NALCN: variants seen among roughly 807,000 people sequenced by gnomAD.
The protein encoded by NALCN is sodium leak channel NALCN.
In NALCN, 111 loss-of-function variants were observed where a neutral mutation model predicts 225.3. The ratio of observed to expected loss-of-function variants is 0.49; its 90% confidence interval spans 0.42 to 0.58. The LOEUF (loss-of-function observed/expected upper bound fraction) is 0.58. Among genes scored for constraint, NALCN ranks in the 20% least tolerant of loss-of-function variants. The pLI is 0.00. For missense variants in NALCN, 1,378 were observed against 2,202.4 expected, an observed-to-expected ratio of 0.63 and a Z score of 7.49; for synonymous variants, 764 against 769.0, an observed-to-expected ratio of 0.99 and a Z score of 0.11.
intron 6 of NALCN, among the ~76,000 whole-genome samples, chr13:101,348,076 C>A (rs2045797476): frequency 6.6e-6 from 1 of 152,022 alleles, no homozygotes; most frequent in African/African-American, 2.4e-5. Flanking sequence ...TCTACTAGCC[C>A]ATCAAAATTA....
chr13:101,266,529 A>T (rs1197940083), intron 10 of NALCN, among the ~76,000 whole-genome samples: 1 of 152,226 alleles, frequency 6.6e-6, no homozygotes, highest in Non-Finnish European at 1.5e-5. Context: ...AGGATAATGA[A>T]TAGTACAGCT....
intron 3 of NALCN, among the ~76,000 whole-genome samples, chr13:101,379,383 T>C (rs2046782672): frequency 6.6e-6 from 1 of 152,136 alleles, no homozygotes; most frequent in African/African-American, 2.4e-5. Context: ...CCCAAAGGAT[T>C]ACAAATCATT....
intron 15 of NALCN, among the ~76,000 whole-genome samples, chr13:101,147,753 C>G (rs2037426788): frequency 6.6e-6 from 1 of 151,946 alleles, no homozygotes; most frequent in Non-Finnish European, 1.5e-5. Flanking sequence ...TGGCCCCTCC[C>G]TGCCTGTCCA....
In NALCN at chr13:101,068,616, G is replaced by A. The variant is rs1048513857; in HGVS notation, c.4330+79C>T. The A allele has an allele frequency of 6.7e-6, 9 of 1,347,676 alleles. No homozygotes were observed. The African/African-American group carries it at 1.1e-4, about 16-fold the overall frequency. The allele number at this position is 1,347,676 out of a possible 1,614,324, so 83.5% of individuals were successfully genotyped here. A position where few individuals can be genotyped will look rare whatever the true frequency, so the allele number is the denominator to read the frequency against. ...AAACACCCACCCCAAGAAATCCAGG[G>A]TAATTGCTTGAAAATAATACATAAT... is the stretch of plus-strand genomic sequence containing the variant. On this transcript the variant is annotated intron_variant, in intron 38 of 43. Transcript: ENST00000251127.
At chr13:101,132,923 G>A (rs2036588845) in intron 17 of NALCN, among the ~76,000 whole-genome samples, 1 of 151,986 alleles carries the variant, frequency 6.6e-6, no homozygotes, top group Non-Finnish European at 1.5e-5. Context: ...CTTTTTGTTT[G>A]TTCTACATAT....
intron 10 of NALCN, among the ~76,000 whole-genome samples, chr13:101,267,356 G>A (rs906375829): frequency 6.6e-6 from 1 of 152,174 alleles, no homozygotes; most frequent in Non-Finnish European, 1.5e-5. Flanking sequence ...TCACCTCTAA[G>A]CAGGATTGAT....
intron 10 of NALCN, among the ~76,000 whole-genome samples, chr13:101,273,713 G>A (rs576449718): frequency 4.0e-5 from 6 of 151,608 alleles, no homozygotes; most frequent in African/African-American, 1.5e-4. Flanking sequence ...GTGAAACCCC[G>A]TCTCTTCTAA....
At chr13:101,102,755 G>A (rs557631557) in intron 26 of NALCN, among the ~76,000 whole-genome samples, 1 of 152,300 alleles carries the variant, frequency 6.6e-6, no homozygotes, top group South Asian at 2.1e-4. Flanking sequence ...CAAATTCTGT[G>A]CTATATTATT....
Position 101,212,162 on chromosome 13 carries a change from T to C in NALCN, c.1626+17231A>G, listed in dbSNP as rs181191766. Among the ~76,000 whole-genome samples the C allele has an allele frequency of 4.0e-3, 602 of 152,224 alleles. 7 individuals are homozygous for C. The highest frequency in any genetic ancestry group is 4.5e-3 in the Non-Finnish European group (305 of 68,014). On this transcript the variant is annotated intron_variant, in intron 13 of 43. Transcript: ENST00000251127. ...ATTTACTCATTTGGTTTTTCTTATA[T>C]GGAATGCCTTCATCTAATGCCATGA...
Position 101,138,252 on chromosome 13 carries a change from G to A in NALCN, c.2118+4828C>T, listed in dbSNP as rs148263497. ...GCCCAGAGAATAGCAGATGAATAAC[G>A]GGTGCTCTATAAGTGCTTGTTGAAT... On this transcript the variant is annotated intron_variant, in intron 17 of 43. Transcript: ENST00000251127. Among the ~76,000 whole-genome samples the A allele has an allele frequency of 1.4e-4, 22 of 152,258 alleles. No homozygotes were observed. The East Asian group carries it at 3.9e-3, about 27-fold the overall frequency.
intron 10 of NALCN, among the ~76,000 whole-genome samples, chr13:101,273,579 C>A (rs2042870466): frequency 6.6e-6 from 1 of 151,964 alleles, no homozygotes; most frequent in African/African-American, 2.4e-5. Context: ...TAGAAAGAAA[C>A]AATATACCCT....
chr13:101,167,090 C>A (rs565217223), intron 15 of NALCN, among the ~76,000 whole-genome samples: 1 of 152,252 alleles, frequency 6.6e-6, no homozygotes, highest in East Asian at 1.9e-4. Flanking sequence ...GCCTTTATGC[C>A]AGTATCACAC....
chr13:101,177,409 G>GTGTA (rs1555305753), intron 14 of NALCN, among the ~76,000 whole-genome samples: 1 of 124,328 alleles, frequency 8.0e-6, no homozygotes, highest in Non-Finnish European at 1.8e-5. Context: ...GTAAATACGA[G>GTGTA]TATATATATA....
At chr13:101,171,181 T>G (rs1391858112) in intron 15 of NALCN, among the ~76,000 whole-genome samples, 2 of 151,412 alleles carry the variant, frequency 1.3e-5, no homozygotes. Flanking sequence ...ATGTTTTATA[T>G]ATATGTGTGT....
rs1428982546 is a variant in NALCN, at chr13:101,111,242, G to A, written c.2193-16C>T. 11 of 1,573,636 alleles carry A rather than the reference G, an allele frequency of 7.0e-6. No individual in the cohort carries two copies. Among genetic ancestry groups the A allele is most frequent in the Non-Finnish European group, 9.5e-6 (11 of 1,154,230 alleles). On this transcript the variant is annotated splice_polypyrimidine_tract_variant and intron_variant, in intron 18 of 43. Coordinates refer to ENST00000251127, the MANE Select transcript of NALCN (RefSeq NM_052867.4). ...GGTGCAAGCTCTAGGAAAAAAAAAGGAGCCCAAGATAAATGCATGGTTTGT... is the reference window on the plus strand; with the variant it reads ...GGTGCAAGCTCTAGGAAAAAAAAAGAAGCCCAAGATAAATGCATGGTTTGT...
At chr13:101,095,725 T>C (rs776003645) in intron 27 of NALCN, 45 bp from the exon 28 acceptor site, 3 of 1,467,492 alleles carry the variant, frequency 2.0e-6, no homozygotes, top group Non-Finnish European at 1.9e-6. Flanking sequence ...GGTCAGAAAA[T>C]GAACTCAGAA....
At chr13:101,176,588 G>C in intron 14 of NALCN, among the ~76,000 whole-genome samples, 1 of 152,104 alleles carries the variant, frequency 6.6e-6, no homozygotes, top group Non-Finnish European at 1.5e-5. Context: ...ATGTTAACTT[G>C]CTTTATGAAA....
chr13:101,098,786 C>T (rs1324227421), intron 27 of NALCN, among the ~76,000 whole-genome samples: 1 of 152,028 alleles, frequency 6.6e-6, no homozygotes, highest in Non-Finnish European at 1.5e-5. Flanking sequence ...TGGCCTCGGC[C>T]TCGGCCTCTT....
intron 18 of NALCN, among the ~76,000 whole-genome samples, chr13:101,119,976 A>G (rs2035894076): frequency 1.3e-5 from 2 of 152,142 alleles, no homozygotes; most frequent in Admixed American, 1.3e-4. Flanking sequence ...AAATTCATTT[A>G]TATTTCTCAA....
Sources: allele counts gnomAD v4.1 joint callset (sites outside exome capture counted in the v4.1 genomes callset), GRCh38; gene constraint gnomAD v4.1.1; transcripts MANE v1.5; gene names NCBI Gene and HGNC (gene_info 2026-07-23, HGNC 2026-07-21).